Variants in TMCO4 observed in about 807,000 individuals in gnomAD.
TMCO4 encodes the protein transmembrane and coiled-coil domains 4, also known as transmembrane and coiled-coil domain-containing protein 4.
Under a neutral mutation model 64.7 loss-of-function variants are expected in TMCO4, and 58 were observed. That is an observed-to-expected ratio of 0.90 (90% CI 0.73 to 1.12). TMCO4 has a LOEUF of 1.12. Ranked by LOEUF, TMCO4 falls within the 50% of genes most tolerant of loss-of-function variation. The pLI, the probability that TMCO4 is intolerant of heterozygous loss-of-function variation, is 0.00. For missense variants in TMCO4, 780 were observed against 825.9 expected (o/e 0.94, Z 0.68); for synonymous variants, 325 against 346.1 (o/e 0.94, Z 0.68).
At chr1:19,722,844 C>T (rs900727196) in intron 13 of TMCO4, among the ~76,000 whole-genome samples, 22 of 152,098 alleles carry the variant, frequency 1.4e-4, no homozygotes, top group Admixed American at 4.6e-4. Flanking sequence ...CCAGTGTCAG[C>T]GGCAGGAACA....
At chr1:19,749,545 T>G (rs2041935970) in intron 7 of TMCO4, among the ~76,000 whole-genome samples, 1 of 152,006 alleles carries the variant, frequency 6.6e-6, no homozygotes, top group Non-Finnish European at 1.5e-5. Flanking sequence ...TTTTTGTACT[T>G]TTTGTAGACA....
At chr1:19,698,721 T>C (rs2095252404) in intron 14 of TMCO4, among the ~76,000 whole-genome samples, 1 of 152,220 alleles carries the variant, frequency 6.6e-6, no homozygotes, top group Admixed American at 6.5e-5. Context: ...CCCTTTCTTC[T>C]TCCTTCTCTT....
intron 13 of TMCO4, among the ~76,000 whole-genome samples, chr1:19,713,709 T>TCAACAA (rs532380283): frequency 6.6e-6 from 1 of 150,918 alleles, no homozygotes; most frequent in African/African-American, 2.4e-5. Context: ...TAAAAATATA[T>TCAACAA]CAACAACAAC....
intron 3 of TMCO4, among the ~76,000 whole-genome samples, chr1:19,784,417 C>T (rs1272406205): frequency 6.6e-6 from 1 of 152,068 alleles, no homozygotes; most frequent in Non-Finnish European, 1.5e-5. Flanking sequence ...GCCTGTAATC[C>T]CAGCTACTCG....
In TMCO4 at chr1:19,745,566, G is replaced by A. The variant is rs150857188; in HGVS notation, c.843C>T (p.Ile281=). 211 of 1,613,980 alleles carry A rather than the reference G, an allele frequency of 1.3e-4. No homozygotes were observed. Among genetic ancestry groups the A allele is most frequent in the Admixed American group, 5.0e-4 (30 of 59,990 alleles). The change falls in exon 10 of 16, where the codon ATC becomes ATT. Residue 281 remains isoleucine (I), a synonymous_variant. Transcript: ENST00000294543. ...CAGAAGCGAGCCACCCCGTGACGGC[G>A]ATGGTGATGTGCAGCTGCCTGCCCT... ...LTEGRQLHIT[I]AVTGWLASGK... is the part of the protein sequence containing the mutation.
At chr1:19,757,767 T>C (rs1390320482) in intron 6 of TMCO4, among the ~76,000 whole-genome samples, 3 of 152,190 alleles carry the variant, frequency 2.0e-5, no homozygotes, top group Non-Finnish European at 1.5e-5. Flanking sequence ...CCAACTGCTG[T>C]ACCTACCTGG....
At chr1:19,783,017 C>T (rs2043563238) in intron 3 of TMCO4, among the ~76,000 whole-genome samples, 1 of 152,220 alleles carries the variant, frequency 6.6e-6, no homozygotes, top group South Asian at 2.1e-4. Flanking sequence ...GCACAGGGTT[C>T]ATGCTATATA....
In TMCO4 at chr1:19,758,051, T is replaced by C. The variant is rs181892401; in HGVS notation, c.383-2285A>G. Among the ~76,000 whole-genome samples, 18 of 152,326 alleles carry C rather than the reference T, an allele frequency of 1.2e-4. No individual in the cohort carries two copies. In the East Asian group the frequency reaches 3.3e-3, roughly 28 times the overall value. On this transcript the variant is annotated intron_variant, in intron 6 of 15. Transcript: ENST00000294543. Reference sequence around the variant, plus strand: ...CATGACCTGAGAAGCTTGCCAAAAATAGGGTTTCCTGAGTTCTGGTATAGG... The same window carrying C: ...CATGACCTGAGAAGCTTGCCAAAAACAGGGTTTCCTGAGTTCTGGTATAGG...
At chr1:19,797,988 GA>G (rs1465812748) in intron 2 of TMCO4, 148 bp downstream of exon 2, 1 of 173,622 alleles carries the variant, frequency 5.8e-6, no homozygotes, top group African/African-American at 2.8e-5. Context: ...GAAAAGAAAA[GA>G]AAAGAAAAGA....
intron 6 of TMCO4, among the ~76,000 whole-genome samples, chr1:19,765,559 C>T (rs988635625): frequency 6.6e-6 from 1 of 152,084 alleles, no homozygotes; most frequent in African/African-American, 2.4e-5. Context: ...AGAATAGCCC[C>T]CCACAACAGA....
chr1:19,705,538 CA>C (rs201649957), intron 13 of TMCO4, among the ~76,000 whole-genome samples: 116 of 138,716 alleles, frequency 8.4e-4, no homozygotes, highest in African/African-American at 2.3e-3. Flanking sequence ...AAAAGAATTG[CA>C]AAAAAAAAAA....
At chr1:19,750,325 C>T (rs553053391) in intron 7 of TMCO4, 4 of 152,268 alleles carry the variant, frequency 2.6e-5, no homozygotes, top group South Asian at 2.1e-4. Context: ...AGCGATGTGG[C>T]GCTGAGTCAG....
chr1:19,796,337 G>A (rs1302761159), intron 2 of TMCO4, among the ~76,000 whole-genome samples: 1 of 152,112 alleles, frequency 6.6e-6, no homozygotes, highest in South Asian at 2.1e-4. Context: ...TTTGTCCAGC[G>A]AATGTGGGGC....
rs570405680 is a variant in TMCO4 at position 19,745,594 on chromosome 1, G to A, written c.815C>T (p.Thr272Met). Residue 272 changes from threonine (T) to methionine (M), a missense_variant, in exon 10 of 16, where the codon ACG (threonine) becomes ATG (methionine). By Grantham distance (81) the Thr-to-Met change is moderately conservative. Coordinates refer to ENST00000294543, the MANE Select transcript of TMCO4 (RefSeq NM_181719.7). ...AIEEFTFLPL[T>M]EGRQLHITIA... Reference sequence around the variant, plus strand: ...GGTGATGTGCAGCTGCCTGCCCTCCGTCAGAGGCAGAAACGTGAACTCTTC... The same window carrying A: ...GGTGATGTGCAGCTGCCTGCCCTCCATCAGAGGCAGAAACGTGAACTCTTC... The A allele has an allele frequency of 7.7e-5, 124 of 1,614,080 alleles. 1 individual carries two copies. Among genetic ancestry groups the A allele is most frequent in the South Asian group, 7.2e-4 (66 of 91,072 alleles).
intron 14 of TMCO4, among the ~76,000 whole-genome samples, chr1:19,696,841 G>A (rs2095240365): frequency 1.3e-5 from 2 of 152,194 alleles, no homozygotes; most frequent in South Asian, 4.1e-4. Flanking sequence ...CAGGAACACA[G>A]ATTAGAAGGT....
Position 19,732,181 on chromosome 1 carries a change from G to T in TMCO4, c.1264+5191C>A, listed in dbSNP as rs1349229219. Reference sequence around the variant, plus strand: ...ATAAGCTATGGCTAACTAAGGGACAGACCCCTCTCAGTGTGGCTTTTGCTC... The same window carrying T: ...ATAAGCTATGGCTAACTAAGGGACATACCCCTCTCAGTGTGGCTTTTGCTC... On this transcript the variant is annotated intron_variant, in intron 13 of 15. Coordinates refer to ENST00000294543, the MANE Select transcript of TMCO4 (RefSeq NM_181719.7). This position sits in a 1 kb window ranked among gnomAD's most constrained non-coding sequence, Gnocchi z 4.8. Among the ~76,000 whole-genome samples, 1 of 152,112 alleles carries T rather than the reference G, an allele frequency of 6.6e-6. No individual in the cohort carries two copies. The highest frequency in any genetic ancestry group is 2.4e-5 in the African/African-American group (1 of 41,430).
chr1:19,788,721 T>G (rs2043867796), intron 2 of TMCO4, among the ~76,000 whole-genome samples: 1 of 152,212 alleles, frequency 6.6e-6, no homozygotes. Context: ...ATAATTTTGT[T>G]CTAGAGAGGT....
chr1:19,726,248 A>G (rs993701097), intron 13 of TMCO4, among the ~76,000 whole-genome samples: 1 of 152,178 alleles, frequency 6.6e-6, no homozygotes, highest in Non-Finnish European at 1.5e-5. Context: ...AGATGGGCAA[A>G]GCACTGAGAG....
At chr1:19,747,852 A>G (rs1332840316) in intron 7 of TMCO4, among the ~76,000 whole-genome samples, 1 of 152,202 alleles carries the variant, frequency 6.6e-6, no homozygotes, top group African/African-American at 2.4e-5. Context: ...GTGAGCACTC[A>G]AGAGTCAGGA....
Sources: allele counts gnomAD v4.1 joint callset (sites outside exome capture counted in the v4.1 genomes callset), GRCh38; gene constraint gnomAD v4.1.1; non-coding constraint Gnocchi (gnomAD v3.1); transcripts MANE v1.5; gene names NCBI Gene and HGNC (gene_info 2026-07-23, HGNC 2026-07-21).